Variants in WDR47 observed in about 807,000 individuals in gnomAD.
The protein encoded by WDR47 is WD repeat domain 47, also known as WD repeat-containing protein 47.
A neutral mutation model predicts 97.2 loss-of-function variants in WDR47; 32 were observed. The observed-to-expected ratio is 0.33, with a 90% CI of 0.25 to 0.44. The LOEUF is 0.44. Among genes scored for constraint, WDR47 ranks in the 20% least tolerant of loss-of-function variants. The pLI is 1.00. For missense variants in WDR47, 782 were observed against 1,102.3 expected, an observed-to-expected ratio of 0.71 and a Z score of 4.11; for synonymous variants, 375 against 373.5, an observed-to-expected ratio of 1.00 and a Z score of -0.05.
At position 109,002,304 on chromosome 1, in the gene WDR47, T is replaced by C. The variant is rs200572013; in HGVS notation, c.1353A>G (p.Gln451=). Residue 451 remains glutamine, a synonymous_variant, in exon 7 of 15, where the codon CAA becomes CAG. Coordinates refer to ENST00000369962, the MANE Select transcript of WDR47 (RefSeq NM_001142551.2). The part of the protein sequence containing the change: ...EQKEQQRQIY[Q]QMLLEGGVNQ... ...TCACGCCTCCTTCAAGCAACATCTGTTGGTATATCTGCCGCTGTTGCTCCT... is the reference window on the plus strand; with the variant it reads ...TCACGCCTCCTTCAAGCAACATCTGCTGGTATATCTGCCGCTGTTGCTCCT... The C allele has an allele frequency of 4.3e-6, 7 of 1,613,268 alleles. No homozygotes were observed. The East Asian group carries it at 1.1e-4, about 26-fold the overall frequency.
At chr1:108,971,673 T>TA (rs1369242511) in intron 14 of WDR47, 101 bp from the exon 15 acceptor site, 2 of 1,247,856 alleles carry the variant, frequency 1.6e-6, no homozygotes, top group East Asian at 5.1e-5. Flanking sequence ...TAAAAAATCT[T>TA]AAACTACATT....
At chr1:108,991,081 T>C (rs1414517544) in intron 9 of WDR47, among the ~76,000 whole-genome samples, 173 bp downstream of exon 9, 1 of 152,012 alleles carries the variant, frequency 6.6e-6, no homozygotes, top group Non-Finnish European at 1.5e-5. Flanking sequence ...GGTGCGATTC[T>C]AGTACTCTAC....
chr1:109,011,405 T>C lies in WDR47; in HGVS notation c.641A>G (p.Lys214Arg), dbSNP rs751496204. Residue 214 changes from lysine (K) to arginine (R), a missense_variant, in exon 5 of 15, where the codon AAA (lysine) becomes AGA (arginine). Coordinates refer to ENST00000369962, the MANE Select transcript of WDR47 (RefSeq NM_001142551.2). ...YECCVEFCQS[K>R]ATGEEITESE... is the part of the protein sequence containing the mutation. ...TTCTGTAATTTCTTCTCCAGTTGCT[T>C]TACTCTGACAAAATTCTACACAGCA... 6.2e-7 allele frequency: 1 copy of C among 1,614,070 alleles called. No homozygotes were observed. Among genetic ancestry groups the C allele is most frequent in the East Asian group, 2.2e-5 (1 of 44,898 alleles).
intron 2 of WDR47, among the ~76,000 whole-genome samples, chr1:109,017,849 C>A (rs1029412926): frequency 5.3e-5 from 8 of 151,536 alleles, no homozygotes; most frequent in African/African-American, 1.7e-4. Context: ...TGTGTTCAAG[C>A]GATTCTCCTG....
chr1:109,004,535 C>G lies in WDR47; in HGVS notation c.1254+57G>C. ...ATTCTTTTTACATTCTAAGTAAATT[C>G]TATTACTTCTTACAAAGAGAATAAC... On this transcript the variant is annotated intron_variant, in intron 6 of 14. Transcript: ENST00000369962. The G allele has an allele frequency of 2.6e-6, 4 of 1,518,430 alleles. No individual in the cohort carries two copies. The East Asian group carries it at 9.6e-5, about 36-fold the overall frequency. 94.1% of individuals were successfully genotyped at this position (1,518,430 alleles called of 1,614,324 possible).
At chr1:109,027,617 G>A (rs1215053945) in intron 1 of WDR47, among the ~76,000 whole-genome samples, 1 of 151,794 alleles carries the variant, frequency 6.6e-6, no homozygotes, top group Non-Finnish European at 1.5e-5. Context: ...TCCGCCTCCC[G>A]GGTTCAAGTG....
intron 10 of WDR47, among the ~76,000 whole-genome samples, chr1:108,984,754 T>G (rs1658641487): frequency 6.6e-6 from 1 of 152,114 alleles, no homozygotes; most frequent in Non-Finnish European, 1.5e-5. Flanking sequence ...GGTGCATGCC[T>G]GTAGTCCCAG....
chr1:108,971,693 C>A, intron 14 of WDR47, 121 bp from the exon 15 acceptor site: 1 of 1,108,076 alleles, frequency 9.0e-7, no homozygotes, highest in Non-Finnish European at 1.3e-6. Context: ...TAATATAATA[C>A]ATTGAAAGGT....
chr1:108,990,406 G>A (rs1450566900), intron 9 of WDR47, among the ~76,000 whole-genome samples: 8 of 151,834 alleles, frequency 5.3e-5, no homozygotes, highest in African/African-American at 1.9e-4. Flanking sequence ...ACGGGGTTTT[G>A]CCATGTTGGC....
At chr1:109,001,243 C>T (rs1375968859) in intron 7 of WDR47, among the ~76,000 whole-genome samples, 1 of 151,724 alleles carries the variant, frequency 6.6e-6, no homozygotes, top group Admixed American at 6.6e-5. Flanking sequence ...GAGCGAAGAT[C>T]GCGCCACTGT....
In WDR47 at chr1:109,017,539, A is replaced by G; in HGVS notation, c.221T>C (p.Met74Thr). Residue 74 changes from methionine (M) to threonine (T), a missense_variant, in exon 3 of 15, where the codon ATG becomes ACG. This residue lies in a region of WDR47 where 428 missense variants were observed against 584.3 expected (regional missense o/e 0.73). Coordinates refer to ENST00000369962, the MANE Select transcript of WDR47 (RefSeq NM_001142551.2). ...TTACCTTTTTTTGTCAAATTTTTCC[A>G]TACATTCTAGAGGCTGAATGAACTG... ...VLQFIQPLEC[M>T]EKFDKKRFRY... 13 of 1,612,876 alleles carry G rather than the reference A, an allele frequency of 8.1e-6. No individual in the cohort carries two copies. The highest frequency in any genetic ancestry group is 1.1e-5 in the Non-Finnish European group (13 of 1,179,726).
chr1:109,002,279 T>A lies in WDR47; in HGVS notation c.1378A>T (p.Asn460Tyr). The change falls in exon 7 of 15, where the codon AAT becomes TAT. Residue 460 changes from asparagine (N) to tyrosine (Y), a missense_variant. Coordinates refer to ENST00000369962, the MANE Select transcript of WDR47 (RefSeq NM_001142551.2). ...YQQMLLEGGVNQEDGPDQQQN... is the reference protein window; with the variant it reads ...YQQMLLEGGVYQEDGPDQQQN... ...TGCTGATCAGGACCATCCTCCTGATTCACGCCTCCTTCAAGCAACATCTGT... is the reference window on the plus strand; with the variant it reads ...TGCTGATCAGGACCATCCTCCTGATACACGCCTCCTTCAAGCAACATCTGT... The A allele has an allele frequency of 6.2e-7, 1 of 1,612,342 alleles. No homozygotes were observed. Among genetic ancestry groups the A allele is most frequent in the Non-Finnish European group, 8.5e-7 (1 of 1,179,790 alleles).
rs1340372090 is a variant in WDR47 at position 109,031,610 on chromosome 1, T to A, written c.-9-8089A>T. Among the ~76,000 whole-genome samples the A allele has an allele frequency of 2.9e-5, 4 of 138,466 alleles. 1 individual carries two copies. Among genetic ancestry groups the A allele is most frequent in the African/African-American group, 7.8e-5 (3 of 38,582 alleles). 90.8% of individuals were successfully genotyped at this position (138,466 alleles called of 152,430 possible). A position where few individuals can be genotyped will look rare whatever the true frequency, so the allele number is the denominator to read the frequency against. On this transcript the variant is annotated intron_variant, in intron 1 of 14. Coordinates refer to ENST00000369962, the MANE Select transcript of WDR47 (RefSeq NM_001142551.2). ...TGAATTTTGTACCATGGACAAATAT[T>A]ACCTATTCAAAAAATTAAAAATAAT...
At chr1:108,999,963 C>A (rs1210569099) in intron 7 of WDR47, among the ~76,000 whole-genome samples, 1 of 152,140 alleles carries the variant, frequency 6.6e-6, no homozygotes, top group African/African-American at 2.4e-5. Context: ...TTCTGACAAG[C>A]CACCCACTTC....
chr1:108,976,126 C>T (rs1657869866), intron 13 of WDR47, among the ~76,000 whole-genome samples: 1 of 152,018 alleles, frequency 6.6e-6, no homozygotes, highest in Non-Finnish European at 1.5e-5. Context: ...TTACATGATT[C>T]GAGCAGTACT....
intron 13 of WDR47, among the ~76,000 whole-genome samples, chr1:108,980,051 C>T (rs1341228800): frequency 6.6e-6 from 1 of 152,104 alleles, no homozygotes; most frequent in African/African-American, 2.4e-5. Context: ...ATCTAGGTTG[C>T]GTGCTCCTTA....
At chr1:109,001,952 G>A (rs1368087863) in intron 7 of WDR47, among the ~76,000 whole-genome samples, 2 of 151,666 alleles carry the variant, frequency 1.3e-5, no homozygotes, top group African/African-American at 2.4e-5. Context: ...CCCTAGATCC[G>A]CAGTTACCCT....
chr1:109,033,471 A>T (rs1389430014), intron 1 of WDR47, among the ~76,000 whole-genome samples: 4 of 152,232 alleles, frequency 2.6e-5, no homozygotes, highest in African/African-American at 9.6e-5. Context: ...CCTCAATAAT[A>T]GTTTTATAAC....
chr1:109,039,320 T>A, intron 1 of WDR47, among the ~76,000 whole-genome samples: 1 of 152,060 alleles, frequency 6.6e-6, no homozygotes. Flanking sequence ...GTGGCATGCA[T>A]GATCTTGGCT....
Sources: gnomAD v4.1 joint callset for allele counts (sites outside exome capture counted in the v4.1 genomes callset) on GRCh38, gnomAD v4.1.1 for gene constraint, gnomAD v4.1.1 regional missense constraint, MANE v1.5 for transcripts, NCBI Gene and HGNC (gene_info 2026-07-23, HGNC 2026-07-21) for gene names.